SEMA4D: variants seen among roughly 807,000 people sequenced by gnomAD.
SEMA4D encodes the protein semaphorin 4D, also known as semaphorin-4D.
In SEMA4D, 22 loss-of-function variants were observed where a neutral mutation model predicts 74.8. The observed-to-expected ratio is 0.29, with a 90% CI of 0.21 to 0.42. The LOEUF is 0.42. Among genes scored for constraint, SEMA4D ranks in the 10% least tolerant of loss-of-function variants. The pLI is 1.00. For synonymous variants in SEMA4D, 445 were observed against 463.7 expected (o/e 0.96, Z 0.52); for missense variants, 937 against 1,118.4 (o/e 0.84, Z 2.31).
intron 1 of SEMA4D, among the ~76,000 whole-genome samples, chr9:89,469,860 T>C (rs1859737498): frequency 6.6e-6 from 1 of 152,158 alleles, no homozygotes; most frequent in African/African-American, 2.4e-5. Context: ...GGCAAGGATG[T>C]GCTCTCACTA....
chr9:89,410,405 T>G (rs1844268734), intron 2 of SEMA4D, among the ~76,000 whole-genome samples: 1 of 152,194 alleles, frequency 6.6e-6, no homozygotes, highest in African/African-American at 2.4e-5. Context: ...CCACCAGAGC[T>G]GACTGATTTG....
chr9:89,408,358 C>A (rs1843753086), intron 2 of SEMA4D, among the ~76,000 whole-genome samples: 1 of 152,188 alleles, frequency 6.6e-6, no homozygotes, highest in Admixed American at 6.5e-5. Flanking sequence ...CAGGGTCCTG[C>A]TGCCCTTGCT....
At chr9:89,485,458 C>A (rs1191834880) in intron 1 of SEMA4D, among the ~76,000 whole-genome samples, 1 of 152,106 alleles carries the variant, frequency 6.6e-6, no homozygotes, top group Non-Finnish European at 1.5e-5. Context: ...CATTCAGACT[C>A]CAATGGCCAA....
At chr9:89,469,524 C>T (rs1293981923) in intron 1 of SEMA4D, among the ~76,000 whole-genome samples, 1 of 152,142 alleles carries the variant, frequency 6.6e-6, no homozygotes, top group Non-Finnish European at 1.5e-5. Flanking sequence ...AAATCCTCAA[C>T]CAAATATTAG....
At chr9:89,423,009 A>C (rs571842376) in intron 2 of SEMA4D, among the ~76,000 whole-genome samples, 1 of 152,354 alleles carries the variant, frequency 6.6e-6, no homozygotes, top group African/African-American at 2.4e-5. Context: ...ACAGAGGCTC[A>C]GGGCTTCTAC....
chr9:89,437,436 GC>G (rs1260710497), intron 2 of SEMA4D, among the ~76,000 whole-genome samples: 4 of 152,304 alleles, frequency 2.6e-5, no homozygotes, highest in African/African-American at 9.6e-5. Context: ...TGTGAAGCTC[GC>G]CCTGAGTCTC....
intron 4 of SEMA4D, among the ~76,000 whole-genome samples, chr9:89,400,856 G>C (rs1247005452): frequency 1.3e-5 from 2 of 152,134 alleles, no homozygotes; most frequent in East Asian, 3.9e-4. Context: ...GTCATTAACA[G>C]AGCAATGTCT....
At chr9:89,363,519 G>C (rs565553083) in exon 18 of SEMA4D, 3 of 1,614,056 alleles carry the variant, frequency 1.9e-6, no homozygotes, top group African/African-American at 2.7e-5. Flanking sequence ...CTCTCCTGGT[G>C]GGTCACTTCT....
chr9:89,467,947 C>T (rs1201068688), intron 1 of SEMA4D, among the ~76,000 whole-genome samples: 1 of 152,232 alleles, frequency 6.6e-6, no homozygotes, highest in Non-Finnish European at 1.5e-5. Flanking sequence ...CAAGGGCTCT[C>T]CCAGGGCTGG....
chr9:89,399,450 G>C, intron 4 of SEMA4D, 112 bp from the exon 5 acceptor site: 1 of 821,784 alleles, frequency 1.2e-6, no homozygotes, highest in South Asian at 1.5e-5. Flanking sequence ...TTTCTCCTGA[G>C]ATGATCAATT....
At chr9:89,390,325 T>G (rs1384674456) in intron 9 of SEMA4D, among the ~76,000 whole-genome samples, 1 of 151,466 alleles carries the variant, frequency 6.6e-6, no homozygotes, top group East Asian at 1.9e-4. Context: ...GATAGGATGG[T>G]TTCCTGGTCT....
chr9:89,384,510 G>T, intron 13 of SEMA4D: 1 of 302,922 alleles, frequency 3.3e-6, no homozygotes, highest in Non-Finnish European at 4.9e-6. Context: ...GTATTTCACA[G>T]GTAAAAAGCT....
intron 1 of SEMA4D, among the ~76,000 whole-genome samples, chr9:89,477,437 A>G (rs1862053752): frequency 6.6e-6 from 1 of 152,172 alleles, no homozygotes; most frequent in South Asian, 2.1e-4. Flanking sequence ...AATGTACACC[A>G]AGGAAAACAG....
intron 9 of SEMA4D, among the ~76,000 whole-genome samples, chr9:89,390,201 C>T (rs917046655): frequency 2.0e-5 from 3 of 152,184 alleles, no homozygotes; most frequent in Non-Finnish European, 4.4e-5. Flanking sequence ...AGTCCCCTGG[C>T]CAGTGCTGCT....
At chr9:89,392,708 T>A (rs181513427) in intron 7 of SEMA4D, among the ~76,000 whole-genome samples, 172 bp from the exon 8 acceptor site, 1,074 of 101,706 alleles carry the variant, frequency 0.011, 22 homozygotes, top group South Asian at 0.05. Flanking sequence ...GTCTTCTAGT[T>A]CTTTCTTTTT....
At position 89,454,924 on chromosome 9, in the gene SEMA4D, C is replaced by T. The variant is rs368519876; in HGVS notation, c.-244+964G>A. On this transcript the variant is annotated intron_variant, in intron 2 of 15. Coordinates refer to ENST00000422704, the MANE Select transcript of SEMA4D (RefSeq NM_001371194.2). Reference sequence around the variant, plus strand: ...AAGCCCCGCCCCTCGAGGAAGCTGCCCCGGGTGGCTCTGCCTCTTCACATT... The same window carrying T: ...AAGCCCCGCCCCTCGAGGAAGCTGCTCCGGGTGGCTCTGCCTCTTCACATT... Among the ~76,000 whole-genome samples, 6 of 152,374 alleles carry T rather than the reference C, an allele frequency of 3.9e-5. No individual in the cohort carries two copies. In the South Asian group the frequency reaches 8.3e-4, roughly 21 times the overall value.
intron 2 of SEMA4D, among the ~76,000 whole-genome samples, chr9:89,452,571 C>T (rs1854862996): frequency 6.6e-6 from 1 of 152,206 alleles, no homozygotes; most frequent in Non-Finnish European, 1.5e-5. Flanking sequence ...CCTATCTCAG[C>T]CTCCAGAGTG....
At chr9:89,386,270 C>T in intron 13 of SEMA4D, 97 bp downstream of exon 13, 1 of 1,081,888 alleles carries the variant, frequency 9.2e-7, no homozygotes. Flanking sequence ...GAGGGGCCTG[C>T]CCAGGAGCCC....
chr9:89,475,967 T>C, intron 1 of SEMA4D, among the ~76,000 whole-genome samples: 1 of 152,098 alleles, frequency 6.6e-6, no homozygotes, highest in East Asian at 1.9e-4. Context: ...ACAGGAATGG[T>C]CCCCAGAGGC....
Sources: gnomAD v4.1 joint callset for allele counts (sites outside exome capture counted in the v4.1 genomes callset) on GRCh38, gnomAD v4.1.1 for gene constraint, MANE v1.5 for transcripts, NCBI Gene and HGNC (gene_info 2026-07-23, HGNC 2026-07-21) for gene names.